The following CNTNAP5 variants were observed in gnomAD, a reference collection of about 807,000 sequenced individuals.
The protein encoded by CNTNAP5 is contactin associated protein family member 5, also known as contactin-associated protein-like 5.
Under a neutral mutation model 150.2 loss-of-function variants are expected in CNTNAP5, and 72 were observed. The observed-to-expected ratio is 0.48, with a 90% CI of 0.40 to 0.58. CNTNAP5 has a LOEUF of 0.58. Ranked by LOEUF, CNTNAP5 falls within the 20% of genes least tolerant of loss-of-function variation. The pLI is 0.00. For synonymous variants in CNTNAP5, 672 were observed against 619.8 expected (o/e 1.08, Z -1.25); for missense variants, 1,636 against 1,626.2 (o/e 1.01, Z -0.10).
chr2:124,911,552 T>G lies in CNTNAP5; in HGVS notation c.3727+14T>G. The G allele has an allele frequency of 6.4e-7, 1 of 1,572,674 alleles. No homozygotes were observed. The highest frequency in any genetic ancestry group is 8.7e-7 in the Non-Finnish European group (1 of 1,153,746). On this transcript the variant is annotated intron_variant, in intron 23 of 23. Coordinates refer to ENST00000682447, the MANE Select transcript of CNTNAP5 (RefSeq NM_001367498.1). ...CAGTCATCGGAGGTAAACAATTCAT[T>G]GTTGTTGAATGCAAAAAGACATAAA...
chr2:124,742,360 C>A (rs1680513202), intron 13 of CNTNAP5, among the ~76,000 whole-genome samples: 1 of 152,146 alleles, frequency 6.6e-6, no homozygotes, highest in Non-Finnish European at 1.5e-5. Context: ...AAGACAGCTA[C>A]AGGGCTTAAA....
chr2:124,557,404 G>A (rs1003535361), intron 10 of CNTNAP5, among the ~76,000 whole-genome samples: 1 of 152,120 alleles, frequency 6.6e-6, no homozygotes, highest in African/African-American at 2.4e-5. Flanking sequence ...GCTCAAGAGC[G>A]TGCAGGTAAT....
chr2:124,184,474 A>T (rs1685283105), intron 1 of CNTNAP5, among the ~76,000 whole-genome samples: 1 of 152,224 alleles, frequency 6.6e-6, no homozygotes, highest in Non-Finnish European at 1.5e-5. Context: ...GGACATATTT[A>T]CACAAAAAAG....
At chr2:124,247,951 G>A (rs922549206) in intron 3 of CNTNAP5, among the ~76,000 whole-genome samples, 9 of 152,034 alleles carry the variant, frequency 5.9e-5, no homozygotes, top group South Asian at 2.1e-4. Flanking sequence ...GTTCTCTCAC[G>A]CACATATACT....
At chr2:124,350,474 A>G (rs779998) in intron 3 of CNTNAP5, among the ~76,000 whole-genome samples, 107,206 of 149,800 alleles carry the variant, frequency 0.72, 38,997 homozygotes, top group African/African-American at 0.83. Context: ...TTAATCCTTC[A>G]TTTTCCATGG....
chr2:124,123,268 C>T (rs750914184), intron 1 of CNTNAP5, among the ~76,000 whole-genome samples: 14 of 152,148 alleles, frequency 9.2e-5, no homozygotes, highest in Admixed American at 2.0e-4. Flanking sequence ...ATGCCTGGCT[C>T]GGAGGGTCCC....
chr2:124,640,460 C>T (rs1268580356), intron 12 of CNTNAP5, among the ~76,000 whole-genome samples: 2 of 152,112 alleles, frequency 1.3e-5, no homozygotes, highest in Non-Finnish European at 2.9e-5. Flanking sequence ...CTACCAGCCA[C>T]CCTGAACCGG....
chr2:124,504,748 C>T (rs957561332), intron 8 of CNTNAP5, among the ~76,000 whole-genome samples, 192 bp downstream of exon 8: 1 of 149,220 alleles, frequency 6.7e-6, no homozygotes, highest in Non-Finnish European at 1.5e-5. Flanking sequence ...CTTGCTGTCC[C>T]CAGGCTGGAG....
rs779014285 is a variant in CNTNAP5, at chr2:124,747,257, G to T, written c.2106G>T (p.Gly702=). 1 of 1,613,604 alleles carries T rather than the reference G, an allele frequency of 6.2e-7. No homozygotes were observed. Residue 702 remains glycine (G), a synonymous_variant, in exon 14 of 24, where the codon GGG becomes GGT. Coordinates refer to ENST00000682447, the MANE Select transcript of CNTNAP5 (RefSeq NM_001367498.1). Reference sequence around the variant, plus strand: ...GAACACCATTTACCTGGTGGATTGGGCGGTCCAATGAAAGGCACCCTTACT... The same window carrying T: ...GAACACCATTTACCTGGTGGATTGGTCGGTCCAATGAAAGGCACCCTTACT... ...PDGTPFTWWI[G]RSNERHPYWG... is the part of the protein sequence containing the mutation.
chr2:124,630,687 C>A (rs1573509461), intron 12 of CNTNAP5, among the ~76,000 whole-genome samples: 1 of 152,160 alleles, frequency 6.6e-6, no homozygotes, highest in Non-Finnish European at 1.5e-5. Context: ...TCTTCCTCAT[C>A]ACTCTTATTC....
Position 124,422,991 on chromosome 2 carries a change from C to CA in CNTNAP5, c.529+5402dup, listed in dbSNP as rs549864570. Among the ~76,000 whole-genome samples, 85 of 152,300 alleles carry CA rather than the reference C, an allele frequency of 5.6e-4. 1 individual carries two copies. Among genetic ancestry groups the CA allele is most frequent in the East Asian group, 4.6e-3 (24 of 5,174 alleles). The stretch of plus-strand genomic sequence containing the variant: ...TCACTTCATTCTTAGTCTGCACTAT[C>CA]ATTTCCGTGTCTGTGATTGCTAATC... On this transcript the variant is annotated intron_variant, in intron 4 of 23. Transcript: ENST00000682447.
chr2:124,849,533 A>C (rs998520645), intron 19 of CNTNAP5, among the ~76,000 whole-genome samples: 1 of 152,136 alleles, frequency 6.6e-6, no homozygotes, highest in Non-Finnish European at 1.5e-5. Context: ...TTTTGATTCC[A>C]TATGAACTCT....
At chr2:124,534,644 G>A (rs1385656215) in intron 10 of CNTNAP5, among the ~76,000 whole-genome samples, 6 of 152,140 alleles carry the variant, frequency 3.9e-5, no homozygotes, top group Non-Finnish European at 5.9e-5. Context: ...GGAGGCCAAG[G>A]CAGGTGGATC....
intron 10 of CNTNAP5, among the ~76,000 whole-genome samples, chr2:124,537,037 T>TGAGAGAGAGAGAGAGAAAGA (rs899843356): frequency 1.1e-4 from 16 of 150,644 alleles, no homozygotes; most frequent in Non-Finnish European, 2.2e-4. Flanking sequence ...TGTGTGTGTG[T>TGAGAGAGAGAGAGAGAAAGA]GAGAGAGAGA....
chr2:124,307,224 T>C (rs1430263), intron 3 of CNTNAP5, among the ~76,000 whole-genome samples: 30,186 of 152,058 alleles, frequency 0.2, 3,131 homozygotes, highest in East Asian at 0.34. Context: ...TATTGTCACA[T>C]GGCCCTTCCT....
chr2:124,724,422 C>T (rs1680112861), intron 13 of CNTNAP5, among the ~76,000 whole-genome samples: 1 of 152,058 alleles, frequency 6.6e-6, no homozygotes, highest in Non-Finnish European at 1.5e-5. Context: ...TGGAAACTGG[C>T]ACTTCAACAT....
intron 1 of CNTNAP5, among the ~76,000 whole-genome samples, chr2:124,219,258 T>C (rs1240829880): frequency 6.6e-6 from 1 of 152,014 alleles, no homozygotes; most frequent in Non-Finnish European, 1.5e-5. Context: ...TAAGAAAAGA[T>C]TTAGGGGAGA....
At position 124,588,528 on chromosome 2, in the gene CNTNAP5, G is replaced by A. The variant is rs529009310; in HGVS notation, c.1757-21273G>A. On this transcript the variant is annotated intron_variant, in intron 11 of 23. Coordinates refer to ENST00000682447, the MANE Select transcript of CNTNAP5 (RefSeq NM_001367498.1). Reference sequence around the variant, plus strand: ...CCTTGCCGTATCTTTACATACCAACGACTTTACTTCCAGGCATCTGATGGC... The same window carrying A: ...CCTTGCCGTATCTTTACATACCAACAACTTTACTTCCAGGCATCTGATGGC... Among the ~76,000 whole-genome samples the A allele has an allele frequency of 7.9e-5, 12 of 151,812 alleles. 1 individual carries two copies. In the South Asian group the frequency reaches 2.3e-3, roughly 29 times the overall value.
At chr2:124,211,150 A>C (rs894014499) in intron 1 of CNTNAP5, among the ~76,000 whole-genome samples, 3 of 152,226 alleles carry the variant, frequency 2.0e-5, no homozygotes, top group African/African-American at 7.2e-5. Context: ...TATCCTACAT[A>C]TTCTGAACAG....
Sources: allele counts gnomAD v4.1 joint callset (sites outside exome capture counted in the v4.1 genomes callset), GRCh38; gene constraint gnomAD v4.1.1; transcripts MANE v1.5; gene names NCBI Gene and HGNC (gene_info 2026-07-23, HGNC 2026-07-21).